Variants in ZNRF3 observed in about 807,000 individuals in gnomAD.
ZNRF3 encodes the protein E3 ubiquitin-protein ligase ZNRF3.
Under a neutral mutation model 72.5 loss-of-function variants are expected in ZNRF3, and 23 were observed. The observed-to-expected ratio is 0.32, with a 90% CI of 0.23 to 0.45. The LOEUF is 0.45. Among genes scored for constraint, ZNRF3 ranks in the 20% least tolerant of loss-of-function variants. ZNRF3 has a pLI of 1.00. For missense variants in ZNRF3, 1,169 were observed against 1,272.1 expected (o/e 0.92, Z 1.23); for synonymous variants, 610 against 545.3 (o/e 1.12, Z -1.65).
rs755687770 is a variant in ZNRF3 at position 29,050,782 on chromosome 22, C to T, written c.2601C>T (p.His867=). 4.4e-6 allele frequency: 7 copies of T among 1,607,494 alleles called. No individual in the cohort carries two copies. In the Admixed American group the frequency reaches 6.8e-5, roughly 16 times the overall value. Residue 867 remains histidine, a synonymous_variant, in exon 8 of 9, where the codon CAC becomes CAT. Coordinates refer to ENST00000544604, the MANE Select transcript of ZNRF3 (RefSeq NM_001206998.2). ...GTRGPDTPRP[H]RGLGATREEE... The stretch of plus-strand genomic sequence containing the variant: ...GAGGCCCGGATACCCCACGGCCCCA[C>T]AGGGGCCTGGGAGCAACCCGGGAAG...
rs1178078065 is a variant in ZNRF3, at chr22:29,057,015, CTCTT to C, written c.*3397_*3400del. 7 of 152,240 alleles carry C rather than the reference CTCTT, an allele frequency of 4.6e-5. No homozygotes were observed. The highest frequency in any genetic ancestry group is 1.7e-4 in the African/African-American group (7 of 41,540). 9.4% of individuals were successfully genotyped at this position (152,240 alleles called of 1,614,324 possible). On this transcript the variant is annotated 3_prime_UTR_variant, in exon 9 of 9. Coordinates refer to ENST00000544604, the MANE Select transcript of ZNRF3 (RefSeq NM_001206998.2). ...TGCCTTTTTCTACTCTTTATGTAAA[CTCTT>C]TCTATTGTGTTGGTCTAACAAGGCA...
At chr22:28,928,252 G>T (rs2034638243) in intron 1 of ZNRF3, among the ~76,000 whole-genome samples, 1 of 152,072 alleles carries the variant, frequency 6.6e-6, no homozygotes, top group Admixed American at 6.6e-5. Flanking sequence ...TGCTTGATTT[G>T]TGAATTCTCT....
chr22:28,930,685 T>A (rs1432900912), intron 1 of ZNRF3, among the ~76,000 whole-genome samples: 2 of 152,356 alleles, frequency 1.3e-5, no homozygotes, highest in East Asian at 3.9e-4. Flanking sequence ...CGCACTGGTA[T>A]GTTATTAATG....
intron 1 of ZNRF3, among the ~76,000 whole-genome samples, chr22:28,978,981 G>A (rs914246612): frequency 4.0e-5 from 6 of 151,876 alleles, no homozygotes; most frequent in Admixed American, 2.6e-4. Context: ...GTTAATCATT[G>A]CTCCCCTCAC....
chr22:28,973,091 G>T (rs921579334), intron 1 of ZNRF3, among the ~76,000 whole-genome samples: 1 of 152,072 alleles, frequency 6.6e-6, no homozygotes, highest in Non-Finnish European at 1.5e-5. Flanking sequence ...CAATCTTCCT[G>T]CCTCAGCCTC....
In ZNRF3 at chr22:29,049,287, C is replaced by T. The variant is rs1258708366; in HGVS notation, c.1106C>T (p.Pro369Leu). ...QQRVTLPVHYPGRVHRTNAIP... is the reference protein window; with the variant it reads ...QQRVTLPVHYLGRVHRTNAIP... ...AGGGTGACCCTGCCGGTGCATTACC[C>T]CGGCCGCGTGCACAGGACCAACGCC... The change falls in exon 8 of 9, where the codon CCC (proline) becomes CTC (leucine). Residue 369 changes from proline (P) to leucine (L), a missense_variant. By Grantham distance (98) the Pro-to-Leu change is moderately conservative (BLOSUM62 -3). Around this residue, in one of 2 missense-constraint regions of ZNRF3, gnomAD observed 386 missense variants for 540.7 expected, o/e 0.71. Transcript: ENST00000544604. The surrounding 1 kb of genome is among the most constrained non-coding windows in gnomAD (Gnocchi z 5.2). 6.2e-7 allele frequency: 1 copy of T among 1,614,046 alleles called. No homozygotes were observed. The highest frequency in any genetic ancestry group is 1.1e-5 in the South Asian group (1 of 91,082).
intron 2 of ZNRF3, among the ~76,000 whole-genome samples, chr22:29,034,357 G>A (rs2036823329): frequency 6.6e-6 from 1 of 152,178 alleles, no homozygotes. Flanking sequence ...AGATCAAAAT[G>A]TAGGTCTTCT....
At chr22:28,949,158 TA>T (rs1316979493) in intron 1 of ZNRF3, among the ~76,000 whole-genome samples, 1 of 152,172 alleles carries the variant, frequency 6.6e-6, no homozygotes. Context: ...TTTGTATTTT[TA>T]GTAGAGACGG....
At chr22:29,020,247 TC>T (rs1261840423) in intron 2 of ZNRF3, among the ~76,000 whole-genome samples, 12 of 131,390 alleles carry the variant, frequency 9.1e-5, no homozygotes, top group African/African-American at 3.1e-4. Context: ...GACACAACCA[TC>T]CTTTTTTTTT....
chr22:28,985,569 G>A (rs1402755575), intron 1 of ZNRF3, among the ~76,000 whole-genome samples: 1 of 152,130 alleles, frequency 6.6e-6, no homozygotes, highest in Non-Finnish European at 1.5e-5. Flanking sequence ...TTATCTCTTA[G>A]TCTTTCCCTG....
intron 2 of ZNRF3, among the ~76,000 whole-genome samples, chr22:29,003,001 T>C (rs1014420497): frequency 3.4e-4 from 51 of 152,156 alleles, no homozygotes; most frequent in African/African-American, 1.2e-3. Flanking sequence ...TATTTTTGGG[T>C]CTTTTCTATC....
At chr22:28,967,538 A>G (rs1280333915) in intron 1 of ZNRF3, among the ~76,000 whole-genome samples, 2 of 152,180 alleles carry the variant, frequency 1.3e-5, no homozygotes, top group African/African-American at 4.8e-5. Context: ...TCCTTCACAG[A>G]TCATCTGTCT....
rs1240927171 is a variant in ZNRF3, at chr22:29,046,813, C to T, written c.842C>T (p.Ala281Val). The T allele has an allele frequency of 6.2e-7, 1 of 1,611,402 alleles. No homozygotes were observed. The highest frequency in any genetic ancestry group is 8.5e-7 in the Non-Finnish European group (1 of 1,178,714). ...GGGCGCCGGGAGGGGAGCTGTGGGG[C>T]CCTGGACACACTCAGCAGCAGCTCC... Reference protein sequence around the residue: ...SKGRREGSCGALDTLSSSSTS... With the variant: ...SKGRREGSCGVLDTLSSSSTS... Residue 281 changes from alanine (A) to valine (V), a missense_variant, in exon 6 of 9, where the codon GCC becomes GTC. Transcript: ENST00000544604.
chr22:28,914,332 A>T (rs769188749), intron 1 of ZNRF3, among the ~76,000 whole-genome samples: 1 of 152,042 alleles, frequency 6.6e-6, no homozygotes, highest in African/African-American at 2.4e-5. Flanking sequence ...TAATGCAGGG[A>T]AGAGTAAATA....
chr22:29,043,524 G>A, intron 4 of ZNRF3, 94 bp downstream of exon 4: 9 of 1,491,762 alleles, frequency 6.0e-6, no homozygotes, highest in Non-Finnish European at 8.2e-6. Flanking sequence ...ATCTCTGTCT[G>A]AAATGCTGGC....
chr22:28,897,114 A>T (rs200297063), intron 1 of ZNRF3, among the ~76,000 whole-genome samples: 3 of 151,950 alleles, frequency 2.0e-5, no homozygotes, highest in Non-Finnish European at 2.9e-5. Flanking sequence ...TTCCCTTCAG[A>T]TTCATCCTTC....
At chr22:29,043,498 T>G in intron 4 of ZNRF3, 68 bp downstream of exon 4, 2 of 1,572,604 alleles carry the variant, frequency 1.3e-6, no homozygotes, top group Non-Finnish European at 1.7e-6. Context: ...TTTATTTCCC[T>G]TGGGCTTTCA....
intron 2 of ZNRF3, among the ~76,000 whole-genome samples, chr22:29,024,667 AT>A (rs965927745): frequency 7.4e-4 from 112 of 152,162 alleles, no homozygotes; most frequent in African/African-American, 2.5e-3. Context: ...TTGGCATATG[AT>A]TGTACCTTCA....
At chr22:29,011,289 G>C (rs893764136) in intron 2 of ZNRF3, among the ~76,000 whole-genome samples, 3 of 152,176 alleles carry the variant, frequency 2.0e-5, no homozygotes, top group Non-Finnish European at 4.4e-5. Context: ...CCCTAGGCTG[G>C]CTGCGGGGGT....
Sources: gnomAD v4.1 joint callset for allele counts (sites outside exome capture counted in the v4.1 genomes callset) on GRCh38, gnomAD v4.1.1 for gene constraint, gnomAD v4.1.1 regional missense constraint, Gnocchi (gnomAD v3.1) non-coding constraint, MANE v1.5 for transcripts, NCBI Gene and HGNC (gene_info 2026-07-23, HGNC 2026-07-21) for gene names.